HS6ST2: variants seen among roughly 807,000 people sequenced by gnomAD.
The protein encoded by HS6ST2 is heparan sulfate 6-O-sulfotransferase 2, also known as heparan-sulfate 6-O-sulfotransferase 2.
Under a neutral mutation model 33.0 loss-of-function variants are expected in HS6ST2, and 17 were observed. The ratio of observed to expected loss-of-function variants is 0.52; its 90% CI spans 0.35 to 0.77. The LOEUF (loss-of-function observed/expected upper bound fraction) is 0.77, where lower values mean the gene tolerates loss of function less well. Among genes scored for constraint, HS6ST2 ranks in the 30% least tolerant of loss-of-function variants. The pLI is 0.01. For missense variants in HS6ST2, 519 were observed against 551.7 expected (o/e 0.94, Z 0.59); for synonymous variants, 248 against 237.1 (o/e 1.05, Z -0.42).
chrX:132,664,956 T>C (rs2063798895), intron 4 of HS6ST2, among the ~76,000 whole-genome samples: 1 of 111,958 alleles, frequency 8.9e-6, no homozygotes, highest in African/African-American at 3.3e-5. Context: ...CGAGAGAGAA[T>C]AGCTATAGTG....
chrX:132,656,140 G>A (rs1162560869), intron 4 of HS6ST2, among the ~76,000 whole-genome samples: 1 of 111,834 alleles, frequency 8.9e-6, no homozygotes, highest in Non-Finnish European at 1.9e-5. Flanking sequence ...TTCAGCCTGG[G>A]TGTAGGCTGT....
chrX:132,632,743 T>A, intron 4 of HS6ST2, among the ~76,000 whole-genome samples: 1 of 110,352 alleles, frequency 9.1e-6, no homozygotes, highest in Non-Finnish European at 1.9e-5. Context: ...AGCCTAAAGA[T>A]AAGACAAGGG....
At chrX:132,917,769 C>T (rs1471368720) in intron 2 of HS6ST2, among the ~76,000 whole-genome samples, 1 of 111,910 alleles carries the variant, frequency 8.9e-6, no homozygotes, top group Non-Finnish European at 1.9e-5. Flanking sequence ...TTTAGAGCCA[C>T]ATTTAAACAG....
At chrX:132,884,731 C>T (rs144489784) in intron 2 of HS6ST2, among the ~76,000 whole-genome samples, 1,151 of 111,157 alleles carry the variant, frequency 0.01, 10 homozygotes, top group African/African-American at 0.036. Context: ...TAACTGAAGG[C>T]TTGGGATCAA....
intron 2 of HS6ST2, among the ~76,000 whole-genome samples, chrX:132,891,417 G>C (rs1346307823): frequency 1.9e-5 from 2 of 107,036 alleles, no homozygotes; most frequent in Non-Finnish European, 3.8e-5. Flanking sequence ...TAAGTTTTAG[G>C]GTACATGTGC....
At chrX:132,885,137 A>G (rs2066234737) in intron 2 of HS6ST2, among the ~76,000 whole-genome samples, 1 of 111,893 alleles carries the variant, frequency 8.9e-6, no homozygotes, top group South Asian at 3.8e-4. Flanking sequence ...CAGATAAACC[A>G]AATATGATCT....
chrX:132,839,383 T>C (rs1400136324), intron 2 of HS6ST2, among the ~76,000 whole-genome samples: 1 of 100,419 alleles, frequency 1.0e-5, no homozygotes, highest in Non-Finnish European at 2.0e-5. Flanking sequence ...AAGAAGGAAA[T>C]TATGTCTTCT....
chrX:132,953,383 T>C (rs2067035922), intron 2 of HS6ST2, among the ~76,000 whole-genome samples: 2 of 111,421 alleles, frequency 1.8e-5, no homozygotes, highest in Non-Finnish European at 3.8e-5. Flanking sequence ...TCTCTCTCTT[T>C]GTCCTCTCCA....
intron 3 of HS6ST2, among the ~76,000 whole-genome samples, chrX:132,689,561 A>G (rs2064044685): frequency 8.9e-6 from 1 of 112,219 alleles, no homozygotes; most frequent in Non-Finnish European, 1.9e-5. Context: ...TACATTTTAG[A>G]AAATTGAAAT....
chrX:132,902,317 G>A (rs1200718913), intron 2 of HS6ST2, among the ~76,000 whole-genome samples: 2 of 111,321 alleles, frequency 1.8e-5, no homozygotes, highest in East Asian at 5.7e-4. Flanking sequence ...TGCCCAGGCA[G>A]GTCTCAAACT....
intron 3 of HS6ST2, among the ~76,000 whole-genome samples, chrX:132,675,319 G>A (rs1488478706): frequency 9.0e-6 from 1 of 111,401 alleles, no homozygotes; most frequent in Admixed American, 9.6e-5. Context: ...CTATGATTAA[G>A]GAGTGTTTCA....
chrX:132,766,957 G>A (rs1444089312), intron 2 of HS6ST2, among the ~76,000 whole-genome samples: 1 of 111,777 alleles, frequency 8.9e-6, no homozygotes, highest in Non-Finnish European at 1.9e-5. Context: ...AACTCAACTT[G>A]CCCAGTGTCA....
chrX:132,742,856 TAA>T (rs1384368976), intron 2 of HS6ST2, among the ~76,000 whole-genome samples: 4 of 112,211 alleles, frequency 3.6e-5, no homozygotes, highest in Non-Finnish European at 7.5e-5. Flanking sequence ...GAGTTCAGGG[TAA>T]GCCTTATAGA....
At chrX:132,705,186 C>CGTGTGTGT (rs780815738) in intron 3 of HS6ST2, among the ~76,000 whole-genome samples, 70 of 81,359 alleles carry the variant, frequency 8.6e-4, no homozygotes, top group South Asian at 2.0e-3. Flanking sequence ...GATGTGGGCA[C>CGTGTGTGT]GCGTGTGTGT....
chrX:132,693,749 T>G (rs1251315939), intron 3 of HS6ST2, among the ~76,000 whole-genome samples: 3 of 111,322 alleles, frequency 2.7e-5, no homozygotes, highest in Non-Finnish European at 5.7e-5. Context: ...TAAATAGCCC[T>G]TCCAGTCTAG....
chrX:132,944,019 CAGG>C (rs1157974297), intron 2 of HS6ST2, among the ~76,000 whole-genome samples: 2 of 110,867 alleles, frequency 1.8e-5, no homozygotes, highest in African/African-American at 6.6e-5. Flanking sequence ...GGCAATCAGG[CAGG>C]AGAAGGAAAT....
At chrX:132,646,637 G>A (rs1184462578) in intron 4 of HS6ST2, among the ~76,000 whole-genome samples, 1 of 110,854 alleles carries the variant, frequency 9.0e-6, no homozygotes, top group Non-Finnish European at 1.9e-5. Context: ...AAAGAGCAAG[G>A]CCATCTAGTT....
intron 2 of HS6ST2, among the ~76,000 whole-genome samples, chrX:132,891,539 C>A (rs1310582866): frequency 9.1e-6 from 1 of 109,436 alleles, no homozygotes; most frequent in East Asian, 2.9e-4. Context: ...TCCACACTCC[C>A]CCCACCCCAC....
At chrX:132,805,612 A>C (rs2065274556) in intron 2 of HS6ST2, among the ~76,000 whole-genome samples, 1 of 109,225 alleles carries the variant, frequency 9.2e-6, no homozygotes, top group African/African-American at 3.3e-5. Context: ...AGTATACCTC[A>C]TCCCTACTGA....
Sources: gnomAD v4.1 joint callset for allele counts (sites outside exome capture counted in the v4.1 genomes callset) on GRCh38, gnomAD v4.1.1 for gene constraint, MANE v1.5 for transcripts, NCBI Gene and HGNC (gene_info 2026-07-23, HGNC 2026-07-21) for gene names.